Variants in SLC38A10 observed in about 807,000 individuals in gnomAD.
SLC38A10 encodes the protein Sodium-coupled neutral amino acid transporter 10.
A neutral mutation model predicts 81.0 loss-of-function variants in SLC38A10; 53 were observed. The ratio of observed to expected loss-of-function variants is 0.65; its 90% CI spans 0.53 to 0.82. The LOEUF (loss-of-function observed/expected upper bound fraction) is 0.82. SLC38A10 is among the 40% of genes least tolerant of loss of function. The pLI is 0.00. For synonymous variants in SLC38A10, 665 were observed against 655.3 expected, an observed-to-expected ratio of 1.01 and a Z score of -0.23; for missense variants, 1,471 against 1,545.0, an observed-to-expected ratio of 0.95 and a Z score of 0.80.
At position 81,276,931 on chromosome 17, in the gene SLC38A10, C is replaced by A. The variant is rs967540177; in HGVS notation, c.729+100G>T. The A allele has an allele frequency of 1.6e-6, 2 of 1,221,482 alleles. No individual in the cohort carries two copies. Among genetic ancestry groups the A allele is most frequent in the Non-Finnish European group, 2.4e-6 (2 of 835,078 alleles). The allele number at this position is 1,221,482 out of a possible 1,614,324, so 75.7% of individuals were successfully genotyped here. On this transcript the variant is annotated intron_variant, in intron 7 of 15. Transcript: ENST00000374759. This position sits in a 1 kb window ranked among gnomAD's most constrained non-coding sequence, Gnocchi z 4.7. ...GGGAACAGAGAGAAAAACCCAGCAG[C>A]ACACAGGGCCAGGGCCATGCCTGTG...
chr17:81,282,691 G>A (rs1385613611), intron 4 of SLC38A10, among the ~76,000 whole-genome samples: 1 of 152,196 alleles, frequency 6.6e-6, no homozygotes, highest in Admixed American at 6.5e-5. Context: ...TGGGCAGGAC[G>A]GGCCCAAAGC....
At chr17:81,292,219 C>T (rs1392016265) in intron 1 of SLC38A10, among the ~76,000 whole-genome samples, 3 of 152,132 alleles carry the variant, frequency 2.0e-5, no homozygotes, top group Admixed American at 6.5e-5. Flanking sequence ...GCTCCACTCC[C>T]GGGTTCAAGC....
chr17:81,252,201 C>T lies in SLC38A10; in HGVS notation c.1939G>A (p.Asp647Asn), dbSNP rs141580824. ...AGCCCAGGCTGACACCCACCGTGGTCGCTGTCCTCTGCGGGCTGCCCTGTG... is the reference window on the plus strand; with the variant it reads ...AGCCCAGGCTGACACCCACCGTGGTTGCTGTCCTCTGCGGGCTGCCCTGTG... ...GDTGQPAEDS[D>N]HGGKPPLPAE... Residue 647 changes from aspartate to asparagine, a missense_variant, in exon 13 of 16, where the codon GAC becomes AAC. Around this residue, in one of 2 missense-constraint regions of SLC38A10, gnomAD observed 751 missense variants for 717.4 expected, o/e 1.05. Coordinates refer to ENST00000374759, the MANE Select transcript of SLC38A10 (RefSeq NM_001037984.3). The T allele has an allele frequency of 3.6e-5, 54 of 1,509,800 alleles. No individual in the cohort carries two copies. In the Middle Eastern group the frequency reaches 5.4e-4, roughly 15 times the overall value. 93.5% of individuals were successfully genotyped at this position (1,509,800 alleles called of 1,614,324 possible).
rs897142627 is a variant in SLC38A10, at chr17:81,253,572, C to T, written c.1289-332G>A. Among the ~76,000 whole-genome samples the T allele has an allele frequency of 2.0e-5, 3 of 152,012 alleles. No individual in the cohort carries two copies. Among genetic ancestry groups the T allele is most frequent in the South Asian group, 4.2e-4 (2 of 4,798 alleles). ...CCATTACCATCACCTCCATCATCAC[C>T]GTCATCACCGTCACCTCCACCACCA... On this transcript the variant is annotated intron_variant, in intron 11 of 15. Transcript: ENST00000374759. The surrounding 1 kb of genome is among the most constrained non-coding windows in gnomAD (Gnocchi z 4.1).
Position 81,295,150 on chromosome 17 carries a change from C to T in SLC38A10, c.-229G>A, listed in dbSNP as rs2063338832. 1 of 597,570 alleles carries T rather than the reference C, an allele frequency of 1.7e-6. No homozygotes were observed. Among genetic ancestry groups the T allele is most frequent in the Non-Finnish European group, 2.3e-6 (1 of 433,332 alleles). 37.0% of individuals were successfully genotyped at this position (597,570 alleles called of 1,614,324 possible). ...CGGCTGCGGGGGCGAGGTCAACCTC[C>T]GGACCCCGCCAAGCCCTGCGGCCGC... is the stretch of plus-strand genomic sequence containing the variant. On this transcript the variant is annotated 5_prime_UTR_variant, in exon 1 of 16. Coordinates refer to ENST00000374759, the MANE Select transcript of SLC38A10 (RefSeq NM_001037984.3).
chr17:81,254,407 A>T (rs935638218), intron 11 of SLC38A10, among the ~76,000 whole-genome samples: 1 of 152,246 alleles, frequency 6.6e-6, no homozygotes, highest in Non-Finnish European at 1.5e-5. Context: ...AAACTAGTTA[A>T]CAGAAAGCAG....
At chr17:81,261,971 A>G (rs1337613186) in intron 10 of SLC38A10, among the ~76,000 whole-genome samples, 3 of 152,208 alleles carry the variant, frequency 2.0e-5, no homozygotes, top group Non-Finnish European at 4.4e-5. Flanking sequence ...CTCCATTTGT[A>G]GATGCCCCTT....
At chr17:81,256,633 G>A (rs753033734) in intron 11 of SLC38A10, among the ~76,000 whole-genome samples, 1 of 152,250 alleles carries the variant, frequency 6.6e-6, no homozygotes, top group Admixed American at 6.5e-5. Flanking sequence ...ATCCCAGGGC[G>A]CCACACTCGC....
rs1056647011 is a variant in SLC38A10 at position 81,281,660 on chromosome 17, C to A, written c.501+529G>T. ...GTGTGGTGGCGGGCACCTGTAATCC[C>A]CGCTACTTGGGAGGCTGAGGCAGGA... On this transcript the variant is annotated intron_variant, in intron 5 of 15. Coordinates refer to ENST00000374759, the MANE Select transcript of SLC38A10 (RefSeq NM_001037984.3). The surrounding 1 kb of genome is among the most constrained non-coding windows in gnomAD (Gnocchi z 5.3). Among the ~76,000 whole-genome samples, 2 of 152,034 alleles carry A rather than the reference C, an allele frequency of 1.3e-5. No individual in the cohort carries two copies. Among genetic ancestry groups the A allele is most frequent in the African/African-American group, 4.8e-5 (2 of 41,380 alleles).
chr17:81,268,309 C>G (rs1408850757), intron 10 of SLC38A10, among the ~76,000 whole-genome samples: 1 of 151,732 alleles, frequency 6.6e-6, no homozygotes, highest in Non-Finnish European at 1.5e-5. Flanking sequence ...ACAACATCTG[C>G]AAAATACCAG....
Position 81,283,585 on chromosome 17 carries a change from C to T in SLC38A10, c.264-83G>A, listed in dbSNP as rs1206077559. On this transcript the variant is annotated intron_variant, in intron 3 of 15. Transcript: ENST00000374759. The surrounding 1 kb of genome is among the most constrained non-coding windows in gnomAD (Gnocchi z 4.7). The stretch of plus-strand genomic sequence containing the variant: ...GCTGCCGCCAGGGACTACCCCAAGG[C>T]TGGGCTGAATGACAGATGTGATTTC... The T allele has an allele frequency of 2.1e-6, 2 of 970,446 alleles. No individual in the cohort carries two copies. The highest frequency in any genetic ancestry group is 2.5e-5 in the Admixed American group (1 of 40,724). The allele number at this position is 970,446 out of a possible 1,614,324, so 60.1% of individuals were successfully genotyped here. A position where few individuals can be genotyped will look rare whatever the true frequency, so the allele number is the denominator to read the frequency against.
intron 8 of SLC38A10, among the ~76,000 whole-genome samples, chr17:81,273,924 C>T (rs952796354): frequency 1.3e-5 from 2 of 152,212 alleles, no homozygotes; most frequent in African/African-American, 2.4e-5. Context: ...GTGGCATGGC[C>T]GCAGCCGCAC....
chr17:81,246,492 C>A lies in SLC38A10; in HGVS notation c.2424G>T (p.Gly808=). The part of the protein sequence containing the change: ...LNQRSLEHSE[G]PVGRDPAGPP... ...GGCCAGCAGGGTCTCTGCCCACAGG[C>A]CCCTCAGAGTGCTCCAGGGAGCGCT... The change falls in exon 16 of 16, where the codon GGG becomes GGT. Residue 808 remains glycine (G), a synonymous_variant. Transcript: ENST00000374759. 4.5e-6 allele frequency: 7 copies of A among 1,551,584 alleles called. No individual in the cohort carries two copies. The highest frequency in any genetic ancestry group is 6.1e-6 in the Non-Finnish European group (7 of 1,151,582).
At chr17:81,255,392 A>C (rs2062962952) in intron 11 of SLC38A10, among the ~76,000 whole-genome samples, 1 of 152,224 alleles carries the variant, frequency 6.6e-6, no homozygotes, top group African/African-American at 2.4e-5. Flanking sequence ...ACTAACACAA[A>C]ACTTCAAAAT....
intron 1 of SLC38A10, 133 bp downstream of exon 1, chr17:81,294,690 C>T (rs778457209): frequency 6.0e-4 from 411 of 689,454 alleles, no homozygotes; most frequent in Non-Finnish European, 6.6e-4. Context: ...CCCAGAGGGT[C>T]GCCCCGCCCG....
Position 81,247,128 on chromosome 17 carries a change from C to T in SLC38A10, c.2066-67G>A, listed in dbSNP as rs905518132. The T allele has an allele frequency of 4.1e-4, 613 of 1,482,920 alleles. 1 individual carries two copies. The highest frequency in any genetic ancestry group is 4.2e-4 in the Non-Finnish European group (468 of 1,113,246). 91.9% of individuals were successfully genotyped at this position (1,482,920 alleles called of 1,614,324 possible). ...ATGCACCGTGCTGGGCCAGGGACGG[C>T]GCGGCCCACAGCAAGGCAACGCACA... is the stretch of plus-strand genomic sequence containing the variant. On this transcript the variant is annotated intron_variant, in intron 14 of 15. Transcript: ENST00000374759.
chr17:81,275,959 A>AGGG lies in SLC38A10; in HGVS notation c.912+7_912+9dup, dbSNP rs1017297715. On this transcript the variant is annotated intron_variant, in intron 8 of 15. Transcript: ENST00000374759. ...CTATTACGATCCGGAGAGTGCCCCG[A>AGGG]GGGTCTTACCTGCTGCTCACACAGC... The AGGG allele has an allele frequency of 3.1e-6, 5 of 1,610,514 alleles. No individual in the cohort carries two copies. Among genetic ancestry groups the AGGG allele is most frequent in the Non-Finnish European group, 3.4e-6 (4 of 1,177,952 alleles).
rs142244133 is a variant in SLC38A10 at position 81,253,737 on chromosome 17, TACC to T, written c.1289-500_1289-498del. Among the ~76,000 whole-genome samples, 799 of 100,848 alleles carry T rather than the reference TACC, an allele frequency of 7.9e-3. 5 individuals are homozygous for T. The highest frequency in any genetic ancestry group is 0.012 in the Non-Finnish European group (622 of 54,064). 66.2% of individuals were successfully genotyped at this position (100,848 alleles called of 152,430 possible). On this transcript the variant is annotated intron_variant, in intron 11 of 15. Transcript: ENST00000374759. The surrounding 1 kb of genome is among the most constrained non-coding windows in gnomAD (Gnocchi z 4.1). ...TCACCATCATCACCATCTCCATCCC[TACC>T]ACCATCACCATCATCATCACCGTCA...
rs540424568 is a variant in SLC38A10, at chr17:81,253,712, T to C, written c.1289-472A>G. ...AACATCACCATCATCACCATCACCA[T>C]CACCATCATCACCATCTCCATCCCT... On this transcript the variant is annotated intron_variant, in intron 11 of 15. Coordinates refer to ENST00000374759, the MANE Select transcript of SLC38A10 (RefSeq NM_001037984.3). The surrounding 1 kb of genome is among the most constrained non-coding windows in gnomAD (Gnocchi z 4.1). Among the ~76,000 whole-genome samples the C allele has an allele frequency of 8.7e-6, 1 of 115,282 alleles. No homozygotes were observed. The highest frequency in any genetic ancestry group is 1.7e-5 in the Non-Finnish European group (1 of 57,382). 75.6% of individuals were successfully genotyped at this position (115,282 alleles called of 152,430 possible). A position where few individuals can be genotyped will look rare whatever the true frequency, so the allele number is the denominator to read the frequency against.
Sources: allele counts gnomAD v4.1 joint callset (sites outside exome capture counted in the v4.1 genomes callset), GRCh38; gene constraint gnomAD v4.1.1; regional missense constraint gnomAD v4.1.1; non-coding constraint Gnocchi (gnomAD v3.1); transcripts MANE v1.5; gene names NCBI Gene and HGNC (gene_info 2026-07-23, HGNC 2026-07-21).